DNAH9: variants seen among roughly 807,000 people sequenced by gnomAD.
DNAH9 encodes the protein DNAH9 variant protein.
DNAH9 carries 345 observed loss-of-function variants against 471.6 expected under a neutral mutation model. That is an observed-to-expected ratio of 0.73 (90% CI 0.67 to 0.80). DNAH9 has a LOEUF of 0.80. DNAH9 is among the 30% of genes least tolerant of loss of function. The pLI, the probability that DNAH9 is intolerant of heterozygous loss-of-function variation, is 0.00. For missense variants in DNAH9, 5,407 were observed against 5,609.2 expected (o/e 0.96, Z 1.15); for synonymous variants, 2,093 against 2,123.6 (o/e 0.99, Z 0.40).
intron 34 of DNAH9, 63 bp from the exon 35 acceptor site, chr17:11,757,482 T>A: frequency 7.0e-7 from 1 of 1,423,842 alleles, no homozygotes; most frequent in Non-Finnish European, 9.7e-7. Context: ...AATAACTCCC[T>A]GGGGTGAAAA....
chr17:11,926,064 C>CAAAAAAA (rs1974313284), intron 62 of DNAH9, among the ~76,000 whole-genome samples: 1 of 74,950 alleles, frequency 1.3e-5, no homozygotes, highest in African/African-American at 5.4e-5. Context: ...AAAAAAAAAG[C>CAAAAAAA]TGGGGGGGGA....
At chr17:11,660,016 T>C (rs577464689) in intron 14 of DNAH9, among the ~76,000 whole-genome samples, 1 of 152,212 alleles carries the variant, frequency 6.6e-6, no homozygotes, top group Non-Finnish European at 1.5e-5. Context: ...TTGCTAGAGA[T>C]TTTTTCTTTT....
intron 17 of DNAH9, among the ~76,000 whole-genome samples, chr17:11,674,861 A>G (rs913340716): frequency 9.9e-5 from 15 of 152,182 alleles, no homozygotes; most frequent in African/African-American, 3.1e-4. Context: ...CATGAATATG[A>G]AGAAATCCTA....
intron 31 of DNAH9, among the ~76,000 whole-genome samples, chr17:11,746,461 A>T (rs4792166): frequency 0.75 from 113,305 of 152,060 alleles, 42,824 homozygotes; most frequent in East Asian, 0.92. Flanking sequence ...GAAGTGTAAG[A>T]TCAGACTCCA....
intron 27 of DNAH9, among the ~76,000 whole-genome samples, chr17:11,719,784 A>G (rs1374431279): frequency 6.6e-6 from 1 of 152,048 alleles, no homozygotes; most frequent in Non-Finnish European, 1.5e-5. Flanking sequence ...TCTTTCTTTT[A>G]TTACCTGCAA....
At chr17:11,711,893 T>C (rs867677193) in intron 26 of DNAH9, among the ~76,000 whole-genome samples, 8 of 15,186 alleles carry the variant, frequency 5.3e-4, no homozygotes, top group African/African-American at 1.3e-3. Flanking sequence ...TATTTATATA[T>C]AAATATATAT....
chr17:11,711,680 A>G (rs1175059797), intron 26 of DNAH9, among the ~76,000 whole-genome samples: 1 of 151,100 alleles, frequency 6.6e-6, no homozygotes, highest in Non-Finnish European at 1.5e-5. Flanking sequence ...GGGGTTTTTG[A>G]TTGGCATGCC....
rs774948465 is a variant in DNAH9 at position 11,962,024 on chromosome 17, G to C, written c.13001G>C (p.Trp4334Ser). 6.2e-7 allele frequency: 1 copy of C among 1,614,194 alleles called. No individual in the cohort carries two copies. The highest frequency in any genetic ancestry group is 2.2e-5 in the East Asian group (1 of 44,864). ...LLNRIKELEAWTGDFTMPSTV... is the reference protein window; with the variant it reads ...LLNRIKELEASTGDFTMPSTV... ...AACAGAATCAAGGAGCTAGAGGCTTGGACGGGTGACTTTACAATGCCCTCC... is the reference window on the plus strand; with the variant it reads ...AACAGAATCAAGGAGCTAGAGGCTTCGACGGGTGACTTTACAATGCCCTCC... Residue 4334 changes from tryptophan (W) to serine (S), a missense_variant, in exon 68 of 69, where the codon TGG becomes TCG. Around this residue, in one of 3 missense-constraint regions of DNAH9, gnomAD observed 4,636 missense variants for 4,900.3 expected, o/e 0.95. Coordinates refer to ENST00000262442, the MANE Select transcript of DNAH9 (RefSeq NM_001372.4). This position sits in a 1 kb window ranked among gnomAD's most constrained non-coding sequence, Gnocchi z 4.1.
At chr17:11,894,237 A>T in intron 58 of DNAH9, 137 bp from the exon 59 acceptor site, 2 of 1,045,730 alleles carry the variant, frequency 1.9e-6, no homozygotes, top group Non-Finnish European at 2.8e-6. Flanking sequence ...CTTCCACTCT[A>T]CCCTCATTAA....
At chr17:11,893,239 C>A (rs1171404533) in intron 58 of DNAH9, among the ~76,000 whole-genome samples, 1 of 150,088 alleles carries the variant, frequency 6.7e-6, no homozygotes, top group African/African-American at 2.4e-5. Context: ...TCAAACTAAG[C>A]CAAAGGCTTT....
rs146379034 is a variant in DNAH9, at chr17:11,711,870, A to G, written c.5552+6685A>G. Among the ~76,000 whole-genome samples the G allele has an allele frequency of 2.7e-3, 230 of 85,172 alleles. 6 individuals are homozygous for G. The highest frequency in any genetic ancestry group is 0.012 in the African/African-American group (205 of 17,048). 55.9% of individuals were successfully genotyped at this position (85,172 alleles called of 152,430 possible). A position where few individuals can be genotyped will look rare whatever the true frequency, so the allele number is the denominator to read the frequency against. On this transcript the variant is annotated intron_variant, in intron 26 of 68. Coordinates refer to ENST00000262442, the MANE Select transcript of DNAH9 (RefSeq NM_001372.4). The stretch of plus-strand genomic sequence containing the variant: ...ATAGAAGATTTTGTTTTTATTATAT[A>G]TATTTGTATATATATTTATATATAA...
At position 11,937,317 on chromosome 17, in the gene DNAH9, G is replaced by C. The variant is rs1567562695; in HGVS notation, c.12490-35G>C. On this transcript the variant is annotated intron_variant, in intron 65 of 68. Transcript: ENST00000262442. This position sits in a 1 kb window ranked among gnomAD's most constrained non-coding sequence, Gnocchi z 4.1. ...TGTGGGAGATGGGAGGTACGTCCTG[G>C]TTTCTTTTTAAGTGAGCTTGCCCTT... 6.3e-7 allele frequency: 1 copy of C among 1,577,680 alleles called. No individual in the cohort carries two copies.
intron 24 of DNAH9, among the ~76,000 whole-genome samples, chr17:11,703,271 G>A (rs934755420): frequency 3.9e-5 from 6 of 152,098 alleles, no homozygotes; most frequent in African/African-American, 1.4e-4. Flanking sequence ...CTGCCAATGA[G>A]GGGGAGCTTC....
At chr17:11,769,457 C>T in intron 38 of DNAH9, 128 bp downstream of exon 38, 2 of 761,148 alleles carry the variant, frequency 2.6e-6, no homozygotes, top group South Asian at 1.7e-5. Flanking sequence ...CGCACTTCCT[C>T]CCACACGCCC....
chr17:11,753,445 A>G (rs112433083), intron 33 of DNAH9, among the ~76,000 whole-genome samples: 1 of 152,128 alleles, frequency 6.6e-6, no homozygotes, highest in African/African-American at 2.4e-5. Flanking sequence ...CGGGCAGATC[A>G]CCTGAGGTCA....
At chr17:11,661,761 C>T (rs1029491035) in intron 14 of DNAH9, among the ~76,000 whole-genome samples, 1 of 151,990 alleles carries the variant, frequency 6.6e-6, no homozygotes, top group African/African-American at 2.4e-5. Context: ...TGCACACACA[C>T]ATAATATATA....
intron 67 of DNAH9, among the ~76,000 whole-genome samples, chr17:11,960,023 T>C (rs779836733): frequency 3.9e-5 from 6 of 152,202 alleles, no homozygotes; most frequent in Admixed American, 3.3e-4. Flanking sequence ...TTATACTTCA[T>C]GTAGGAAGTT....
At chr17:11,950,665 T>C (rs1256991366) in intron 67 of DNAH9, among the ~76,000 whole-genome samples, 1 of 151,336 alleles carries the variant, frequency 6.6e-6, no homozygotes, top group Non-Finnish European at 1.5e-5. Context: ...TGTGCCTGGC[T>C]ATTTTAAACT....
rs1567723655 is a variant in DNAH9 at position 11,693,883 on chromosome 17, G to GA, written c.4632dup (p.Gly1545ArgfsTer5). 1 of 1,614,110 alleles carries GA rather than the reference G, an allele frequency of 6.2e-7. No homozygotes were observed. Among genetic ancestry groups the GA allele is most frequent in the Non-Finnish European group, 8.5e-7 (1 of 1,179,994 alleles). ...TTATTTGCAGGATTCTAAAAGGTTT[G>GA]AAGGCATCGACATTGACTTTAAAGA... On this transcript the variant is annotated frameshift_variant, in exon 21 of 69. Transcript: ENST00000262442. LOFTEE classifies it high-confidence loss of function.
Sources: allele counts gnomAD v4.1 joint callset (sites outside exome capture counted in the v4.1 genomes callset), GRCh38; gene constraint gnomAD v4.1.1; regional missense constraint gnomAD v4.1.1; non-coding constraint Gnocchi (gnomAD v3.1); transcripts MANE v1.5; gene names NCBI Gene and HGNC (gene_info 2026-07-23, HGNC 2026-07-21).